The following TMEM132D variants were observed in gnomAD, a reference collection of about 807,000 sequenced individuals.
TMEM132D encodes the protein transmembrane protein 132D.
A neutral mutation model predicts 62.3 loss-of-function variants in TMEM132D; 21 were observed. That is an observed-to-expected ratio of 0.34 (90% CI 0.24 to 0.49). The LOEUF is 0.49. Among genes scored for constraint, TMEM132D ranks in the 20% least tolerant of loss-of-function variants. TMEM132D has a pLI of 0.99. For synonymous variants in TMEM132D, 621 were observed against 575.6 expected (o/e 1.08, Z -1.13); for missense variants, 1,346 against 1,402.8 (o/e 0.96, Z 0.65).
chr12:129,215,377 G>A (rs1879173502), intron 4 of TMEM132D, among the ~76,000 whole-genome samples: 1 of 152,098 alleles, frequency 6.6e-6, no homozygotes, highest in Non-Finnish European at 1.5e-5. Flanking sequence ...CAACCAATGG[G>A]TAGTAGGCTT....
intron 5 of TMEM132D, among the ~76,000 whole-genome samples, chr12:129,188,762 G>GGAGAGAGAGAGAGA (rs569138938): frequency 6.3e-5 from 8 of 126,224 alleles, no homozygotes; most frequent in South Asian, 5.1e-4. Context: ...AGGGAGAGAG[G>GGAGAGAGAGAGAGA]GAGAGAGAGA....
intron 2 of TMEM132D, among the ~76,000 whole-genome samples, chr12:129,693,129 T>C (rs1717269764): frequency 6.6e-6 from 1 of 152,098 alleles, no homozygotes; most frequent in Non-Finnish European, 1.5e-5. Flanking sequence ...ATAGGTGACG[T>C]CGTACTGAAT....
chr12:129,550,234 ATT>A (rs11285078), intron 2 of TMEM132D, among the ~76,000 whole-genome samples: 3 of 151,996 alleles, frequency 2.0e-5, no homozygotes, highest in East Asian at 1.9e-4. Context: ...CCATACTGGT[ATT>A]TTTTTTTCTA....
At chr12:129,723,889 A>T (rs1868933079) in intron 1 of TMEM132D, among the ~76,000 whole-genome samples, 1 of 152,246 alleles carries the variant, frequency 6.6e-6, no homozygotes, top group South Asian at 2.1e-4. Context: ...GCCAAGCTGC[A>T]TAACGCCTGC....
intron 2 of TMEM132D, among the ~76,000 whole-genome samples, chr12:129,533,300 A>G (rs888566787): frequency 1.3e-5 from 2 of 152,218 alleles, no homozygotes; most frequent in African/African-American, 2.4e-5. Context: ...TACTCAGGTG[A>G]GACACTGGGC....
chr12:129,888,191 G>A (rs2137391648), intron 1 of TMEM132D, among the ~76,000 whole-genome samples: 1 of 152,168 alleles, frequency 6.6e-6, no homozygotes, highest in South Asian at 2.1e-4. Context: ...AATTTCCATT[G>A]TGCATAGTTT....
chr12:129,799,999 C>G (rs568232397), intron 1 of TMEM132D, among the ~76,000 whole-genome samples: 1 of 152,148 alleles, frequency 6.6e-6, no homozygotes, highest in Admixed American at 6.5e-5. Flanking sequence ...GCCTCAGGCA[C>G]GTGCGTACAG....
At chr12:129,247,445 T>C (rs1364926292) in intron 4 of TMEM132D, among the ~76,000 whole-genome samples, 1 of 152,206 alleles carries the variant, frequency 6.6e-6, no homozygotes, top group Non-Finnish European at 1.5e-5. Flanking sequence ...GGTATTGAAA[T>C]AGGTCATGCT....
intron 1 of TMEM132D, among the ~76,000 whole-genome samples, chr12:129,846,967 T>G (rs944347890): frequency 6.6e-6 from 1 of 152,188 alleles, no homozygotes; most frequent in Non-Finnish European, 1.5e-5. Context: ...CCTGGGAAAC[T>G]TTTCCACTGG....
At chr12:129,594,240 G>A (rs1459525636) in intron 2 of TMEM132D, among the ~76,000 whole-genome samples, 1 of 152,182 alleles carries the variant, frequency 6.6e-6, no homozygotes, top group African/African-American at 2.4e-5. Flanking sequence ...AACCCCATAA[G>A]CCATATGGCC....
rs1876204938 is a variant in TMEM132D at position 129,531,073 on chromosome 12, AGCT to A, written c.1098_1100del (p.Ala367del). On this transcript the variant is annotated inframe_deletion, in exon 3 of 9. Coordinates refer to ENST00000422113, the MANE Select transcript of TMEM132D (RefSeq NM_133448.3). The stretch of plus-strand genomic sequence containing the variant: ...TTGGGACTCACCTGTTTTCTGAGCC[AGCT>A]GCTTTCTTCTGACAAACGATGACAG... 1 of 1,612,892 alleles carries A rather than the reference AGCT, an allele frequency of 6.2e-7. No homozygotes were observed. Among genetic ancestry groups the A allele is most frequent in the Non-Finnish European group, 8.5e-7 (1 of 1,179,254 alleles).
intron 4 of TMEM132D, among the ~76,000 whole-genome samples, chr12:129,300,911 A>G (rs1881699496): frequency 6.6e-6 from 1 of 152,080 alleles, no homozygotes; most frequent in African/African-American, 2.4e-5. Flanking sequence ...GCTTCACTTC[A>G]ACCTTTCCTT....
intron 1 of TMEM132D, among the ~76,000 whole-genome samples, chr12:129,733,710 T>C (rs574868284): frequency 6.6e-6 from 1 of 151,894 alleles, no homozygotes; most frequent in South Asian, 2.1e-4. Flanking sequence ...GGAAGAAAAG[T>C]GAAGAAGGAA....
At chr12:129,114,418 CTCCTTCCCTCCT>C (rs925339108) in intron 5 of TMEM132D, among the ~76,000 whole-genome samples, 5 of 151,450 alleles carry the variant, frequency 3.3e-5, no homozygotes, top group African/African-American at 9.7e-5. Context: ...CCCTCCTTCC[CTCCTTCCCTCCT>C]TCCTCCCTCC....
intron 1 of TMEM132D, among the ~76,000 whole-genome samples, chr12:129,811,225 T>C (rs1872167903): frequency 6.6e-6 from 1 of 151,314 alleles, no homozygotes; most frequent in Admixed American, 6.6e-5. Context: ...TATAAAGATA[T>C]CAATTCTCTC....
intron 2 of TMEM132D, among the ~76,000 whole-genome samples, chr12:129,540,231 G>A (rs1477605305): frequency 1.3e-5 from 2 of 152,128 alleles, no homozygotes; most frequent in African/African-American, 4.8e-5. Flanking sequence ...CATTCCTACA[G>A]GTGCTAGCTA....
intron 3 of TMEM132D, among the ~76,000 whole-genome samples, chr12:129,484,242 G>A (rs1342463224): frequency 6.6e-6 from 1 of 152,074 alleles, no homozygotes; most frequent in African/African-American, 2.4e-5. Context: ...AGTGCTGGGA[G>A]TCAACGTGAG....
intron 2 of TMEM132D, chr12:129,681,595 A>T (rs1020503955): frequency 2.0e-5 from 3 of 152,202 alleles, no homozygotes; most frequent in Non-Finnish European, 2.9e-5. Flanking sequence ...GATCCTGGAG[A>T]TGCTGGGAAA....
intron 4 of TMEM132D, among the ~76,000 whole-genome samples, chr12:129,270,048 G>C (rs901264741): frequency 6.6e-6 from 1 of 152,262 alleles, no homozygotes; most frequent in East Asian, 1.9e-4. Context: ...CGAGGACGAA[G>C]GGGTCTCCTA....
Sources: gnomAD v4.1 joint callset for allele counts (sites outside exome capture counted in the v4.1 genomes callset) on GRCh38, gnomAD v4.1.1 for gene constraint, MANE v1.5 for transcripts, NCBI Gene and HGNC (gene_info 2026-07-23, HGNC 2026-07-21) for gene names.